The following ZC3H12B variants were observed in gnomAD, a reference collection of about 807,000 sequenced individuals.
ZC3H12B encodes the protein zinc finger CCCH-type containing 12B.
Under a neutral mutation model 43.9 loss-of-function variants are expected in ZC3H12B, and 7 were observed. The ratio of observed to expected loss-of-function variants is 0.16; its 90% confidence interval spans 0.09 to 0.30. The LOEUF is 0.30. ZC3H12B is among the 10% of genes least tolerant of loss of function. The pLI is 1.00. For synonymous variants in ZC3H12B, 222 were observed against 241.7 expected, an observed-to-expected ratio of 0.92 and a Z score of 0.76; for missense variants, 475 against 670.2, an observed-to-expected ratio of 0.71 and a Z score of 3.22.
At chrX:65,335,079 T>A in the ZC3H12B span, among the ~76,000 whole-genome samples, 12 of 111,976 alleles carry the variant, frequency 1.1e-4, no homozygotes, top group African/African-American at 3.9e-4. Flanking sequence ...TTATTATACA[T>A]GAAAGCACTC....
At chrX:65,318,660 T>G in the ZC3H12B span, among the ~76,000 whole-genome samples, 1 of 111,378 alleles carries the variant, frequency 9.0e-6, no homozygotes, top group East Asian at 2.8e-4. Flanking sequence ...CCTAAGGTGA[T>G]CCACCCACCT....
At chrX:65,162,224 T>C in the ZC3H12B span, among the ~76,000 whole-genome samples, 1 of 111,226 alleles carries the variant, frequency 9.0e-6, no homozygotes, top group East Asian at 2.8e-4. Context: ...TCATCTTTGG[T>C]GAATCTGACA....
the ZC3H12B span, among the ~76,000 whole-genome samples, chrX:65,138,721 C>T: frequency 3.6e-5 from 4 of 111,804 alleles, no homozygotes; most frequent in Non-Finnish European, 5.7e-5. Context: ...ACAAAGATTT[C>T]CTTTTTTTTC....
chrX:65,160,930 G>C, the ZC3H12B span, among the ~76,000 whole-genome samples: 85 of 110,812 alleles, frequency 7.7e-4, no homozygotes, highest in Admixed American at 2.0e-3. Context: ...ACAGTGCTTT[G>C]AATGTGTCCC....
chrX:65,219,047 G>C, the ZC3H12B span, among the ~76,000 whole-genome samples: 1 of 111,501 alleles, frequency 9.0e-6, no homozygotes, highest in East Asian at 2.8e-4. Context: ...TAGCTCCACT[G>C]GGTGGCTAGA....
chrX:65,057,224 G>A, the ZC3H12B span, among the ~76,000 whole-genome samples: 2 of 111,814 alleles, frequency 1.8e-5, no homozygotes, highest in Non-Finnish European at 3.8e-5. Context: ...GCTGGTACCG[G>A]TTGTTCCTTT....
chrX:65,071,017 A>G, the ZC3H12B span, among the ~76,000 whole-genome samples: 2 of 106,067 alleles, frequency 1.9e-5, no homozygotes, highest in Non-Finnish European at 3.9e-5. Context: ...ATTTTTTTTA[A>G]CCTCAATGAT....
chrX:65,318,239 C>T, the ZC3H12B span, among the ~76,000 whole-genome samples: 2 of 105,934 alleles, frequency 1.9e-5, no homozygotes, highest in Admixed American at 1.0e-4. Flanking sequence ...AATGTGGTAT[C>T]GCATTGTGGT....
chrX:65,329,961 A>G, the ZC3H12B span, among the ~76,000 whole-genome samples: 1 of 112,041 alleles, frequency 8.9e-6, no homozygotes, highest in African/African-American at 3.2e-5. Flanking sequence ...GACTTGTAGT[A>G]TAGTTTGAAG....
At chrX:65,288,902 G>A in the ZC3H12B span, among the ~76,000 whole-genome samples, 1 of 111,267 alleles carries the variant, frequency 9.0e-6, no homozygotes, top group Admixed American at 9.5e-5. Context: ...AATGTTACAA[G>A]ATACAAAATC....
chrX:65,335,002 G>A, the ZC3H12B span, among the ~76,000 whole-genome samples: 2 of 111,448 alleles, frequency 1.8e-5, no homozygotes, highest in Admixed American at 9.6e-5. Context: ...TGATCCGAAC[G>A]TGCAGAGAGT....
chrX:65,404,090 A>T (rs1464703836), intron 3 of ZC3H12B, among the ~76,000 whole-genome samples: 1 of 112,260 alleles, frequency 8.9e-6, no homozygotes, highest in African/African-American at 3.2e-5. Flanking sequence ...AAAAAACTTG[A>T]AAATAAAGTT....
intron 3 of ZC3H12B, among the ~76,000 whole-genome samples, chrX:65,426,479 G>C (rs1014781348): frequency 2.8e-5 from 3 of 105,329 alleles, no homozygotes; most frequent in Non-Finnish European, 5.8e-5. Flanking sequence ...CTTCAATTCA[G>C]CTTTGATCTT....
the ZC3H12B span, among the ~76,000 whole-genome samples, chrX:65,291,692 G>A: frequency 8.9e-6 from 1 of 112,022 alleles, no homozygotes; most frequent in East Asian, 2.8e-4. Context: ...TTTTTAATTA[G>A]TGATGATAAT....
the ZC3H12B span, among the ~76,000 whole-genome samples, chrX:65,199,360 A>T: frequency 9.2e-6 from 1 of 109,082 alleles, no homozygotes; most frequent in Admixed American, 1.0e-4. Context: ...CTCTTCATTA[A>T]ATTTATCTGA....
intron 2 of ZC3H12B, among the ~76,000 whole-genome samples, chrX:65,375,708 C>G (rs1257030572): frequency 9.0e-6 from 1 of 111,187 alleles, no homozygotes; most frequent in Non-Finnish European, 1.9e-5. Context: ...GGGAACCCAC[C>G]ACCTTGAAGG....
At chrX:65,106,942 C>T in the ZC3H12B span, among the ~76,000 whole-genome samples, 1 of 110,860 alleles carries the variant, frequency 9.0e-6, no homozygotes, top group Non-Finnish European at 1.9e-5. Flanking sequence ...AAGTTGAAGC[C>T]GAGATTCAAA....
the ZC3H12B span, among the ~76,000 whole-genome samples, chrX:65,105,067 T>C: frequency 2.7e-5 from 3 of 111,676 alleles, no homozygotes; most frequent in African/African-American, 9.8e-5. Context: ...TGGAATACTA[T>C]GCAGCCATAA....
chrX:65,222,400 A>T, the ZC3H12B span, among the ~76,000 whole-genome samples: 72 of 110,564 alleles, frequency 6.5e-4, no homozygotes, highest in Non-Finnish European at 1.2e-3. Context: ...AGTAAATAGG[A>T]AGTCAAACTG....
Sources: allele counts gnomAD v4.1 joint callset (sites outside exome capture counted in the v4.1 genomes callset), GRCh38; gene constraint gnomAD v4.1.1; transcripts MANE v1.5; gene names NCBI Gene and HGNC (gene_info 2026-07-23, HGNC 2026-07-21).